Variants in FKBP1C observed in about 807,000 individuals in gnomAD.
FKBP1C encodes peptidyl-prolyl cis-trans isomerase FKBP1C.
Under a neutral mutation model 7.1 loss-of-function variants are expected in FKBP1C, and 7 were observed. The observed-to-expected ratio is 0.99, with a 90% CI of 0.56 to 1.86. The LOEUF is 1.86. Ranked by LOEUF, FKBP1C falls within the 40% of genes most tolerant of loss-of-function variation. The pLI, the probability that FKBP1C is intolerant of heterozygous loss-of-function variation, is 0.00. For missense variants in FKBP1C, 159 were observed against 139.9 expected (o/e 1.14, Z -0.69); for synonymous variants, 56 against 51.2 (o/e 1.09, Z -0.40).
exon 1 of FKBP1C, chr6:63,211,511 C>G: frequency 1.3e-6 from 1 of 755,442 alleles, no homozygotes; most frequent in South Asian, 1.6e-5. Flanking sequence ...GCTGTCGGTC[C>G]ACGCCGCCCG....
At chr6:63,212,243 T>C (rs543478975) in exon 1 of FKBP1C, 2 of 376,498 alleles carry the variant, frequency 5.3e-6, no homozygotes, top group East Asian at 9.9e-5. Flanking sequence ...AACGTTAGGA[T>C]AGGAATTGGT....
rs548161473 is a variant in FKBP1C at position 63,211,855 on chromosome 6, T to G, written c.299T>G (p.Phe100Cys). ...ATCCCACCACATGCCACTCTCGTCT[T>G]CGATGTGGAGCTTCTAAAACTGGAA... Residue 100 changes from phenylalanine to cysteine, a missense_variant, in exon 1 of 1, where the codon TTC becomes TGC. Phe to Cys is a radical substitution (Grantham distance 205). Coordinates refer to ENST00000370659, the Ensembl canonical transcript of FKBP1C. The G allele has an allele frequency of 1.9e-5, 30 of 1,613,322 alleles. No homozygotes were observed. The African/African-American group carries it at 3.6e-4, about 19-fold the overall frequency.
Position 63,212,534 on chromosome 6 carries a change from G to GGACA in FKBP1C, c.*652_*655dup, listed in dbSNP as rs1459456333. On this transcript the variant is annotated 3_prime_UTR_variant, in exon 1 of 1. Transcript: ENST00000370659. ...AGCAGGTCATGTTCACTGCGATGCT[G>GGACA]GACACTACAGGTATCTGTCCCTGGG... 10 of 161,318 alleles carry GGACA rather than the reference G, an allele frequency of 6.2e-5. No homozygotes were observed. The Admixed American group carries it at 7.0e-4, about 11-fold the overall frequency. The allele number at this position is 161,318 out of a possible 1,614,324, so 10.0% of individuals were successfully genotyped here. A position where few individuals can be genotyped will look rare whatever the true frequency, so the allele number is the denominator to read the frequency against.
chr6:63,211,559 G>A (rs1581986439), exon 1 of FKBP1C: 2 of 1,324,090 alleles, frequency 1.5e-6, no homozygotes, highest in Admixed American at 1.8e-5. Flanking sequence ...CCGCCGCCAT[G>A]GGAGTGCACG....
chr6:63,212,096 TACCTA>T (rs1258512442), exon 1 of FKBP1C: 1 of 630,150 alleles, frequency 1.6e-6, no homozygotes, highest in Admixed American at 2.9e-5. Context: ...TATGTGCGTT[TACCTA>T]AACTATATGC....
exon 1 of FKBP1C, chr6:63,212,869 T>G (rs1381663922): frequency 6.0e-6 from 1 of 166,912 alleles, no homozygotes; most frequent in Non-Finnish European, 1.5e-5. Flanking sequence ...TCTCAGAGTT[T>G]CCTGGCTTTT....
exon 1 of FKBP1C, chr6:63,212,450 G>A: frequency 5.8e-6 from 1 of 171,480 alleles, no homozygotes; most frequent in Non-Finnish European, 1.4e-5. Context: ...TGGGGATGGG[G>A]AGAGGCTTTG....
chr6:63,211,610 G>T, exon 1 of FKBP1C: 2 of 1,592,852 alleles, frequency 1.3e-6, no homozygotes, highest in Non-Finnish European at 1.7e-6. Context: ...CCTTCCCGAA[G>T]CGCAGCCAGA....
exon 1 of FKBP1C, chr6:63,211,780 T>C (rs1397065689): frequency 3.7e-6 from 6 of 1,613,840 alleles, no homozygotes; most frequent in Admixed American, 1.7e-5. Flanking sequence ...AGAGCCAAAC[T>C]GACTATATCT....
chr6:63,212,950 C>T (rs971051673), exon 1 of FKBP1C: 3 of 166,354 alleles, frequency 1.8e-5, no homozygotes, highest in Non-Finnish European at 4.4e-5. Context: ...GTTGCTGCCC[C>T]CTTCCCCTAG....
At chr6:63,211,583 C>G (rs1481537303) in exon 1 of FKBP1C, 1 of 1,513,422 alleles carries the variant, frequency 6.6e-7, no homozygotes, top group East Asian at 2.3e-5. Context: ...AAACCATCTC[C>G]CCAGGAGACT....
At chr6:63,212,107 T>C (rs1766113816) in exon 1 of FKBP1C, 1 of 619,532 alleles carries the variant, frequency 1.6e-6, no homozygotes, top group South Asian at 2.0e-5. Flanking sequence ...ACCTAAACTA[T>C]ATGCCATAAA....
At chr6:63,212,641 T>A (rs180990588) in exon 1 of FKBP1C, 59 of 165,690 alleles carry the variant, frequency 3.6e-4, no homozygotes, top group African/African-American at 1.3e-3. Context: ...TAACGGACTT[T>A]CAGGAATTTT....
At chr6:63,212,538 A>G (rs1203379969) in exon 1 of FKBP1C, 1 of 157,900 alleles carries the variant, frequency 6.3e-6, no homozygotes, top group Non-Finnish European at 1.5e-5. Context: ...GATGCTGGAC[A>G]CTACAGGTAT....
At chr6:63,212,673 C>T (rs1766124450) in exon 1 of FKBP1C, 1 of 166,514 alleles carries the variant, frequency 6.0e-6, no homozygotes, top group Admixed American at 6.6e-5. Flanking sequence ...ACTTTCCAAG[C>T]TCCACCACTT....
exon 1 of FKBP1C, chr6:63,211,501 G>A (rs1766102344): frequency 1.3e-5 from 9 of 684,880 alleles, no homozygotes; most frequent in South Asian, 1.0e-4. Context: ...CCGCCAGGTC[G>A]CTGTCGGTCC....
chr6:63,211,684 G>A (rs776063466), exon 1 of FKBP1C: 26 of 1,613,976 alleles, frequency 1.6e-5, no homozygotes, highest in Admixed American at 1.3e-4. Context: ...TCCCGGGACA[G>A]AAACAAGCCC....
exon 1 of FKBP1C, chr6:63,211,733 C>T: frequency 6.2e-7 from 1 of 1,613,972 alleles, no homozygotes; most frequent in Non-Finnish European, 8.5e-7. Context: ...TGATCCGAGG[C>T]TGGGAAGAAG....
At position 63,212,060 on chromosome 6, in the gene FKBP1C, C is replaced by A. The variant is rs1766112989; in HGVS notation, c.*177C>A. Reference sequence around the variant, plus strand: ...TCACTCAGCTTTGCTTCCGACACCTCTGTTTCCTCTTCCCCTTTCTCCTGG... The same window carrying A: ...TCACTCAGCTTTGCTTCCGACACCTATGTTTCCTCTTCCCCTTTCTCCTGG... On this transcript the variant is annotated 3_prime_UTR_variant, in exon 1 of 1. Coordinates refer to ENST00000370659, the Ensembl canonical transcript of FKBP1C. The A allele has an allele frequency of 6.6e-5, 47 of 717,238 alleles. No homozygotes were observed. The East Asian group carries it at 1.2e-3, about 19-fold the overall frequency. The allele number at this position is 717,238 out of a possible 1,614,324, so 44.4% of individuals were successfully genotyped here.
Sources: gnomAD v4.1 joint callset for allele counts on GRCh38, gnomAD v4.1.1 for gene constraint, MANE v1.5 for transcripts, NCBI Gene and HGNC (gene_info 2026-07-23, HGNC 2026-07-21) for gene names.